GADL1: variants seen among roughly 807,000 people sequenced by gnomAD.
GADL1 encodes GAD like acidic amino acid decarboxylase 1.
A neutral mutation model predicts 69.5 loss-of-function variants in GADL1; 71 were observed. The ratio of observed to expected loss-of-function variants is 1.02; its 90% CI spans 0.84 to 1.25. The LOEUF (loss-of-function observed/expected upper bound fraction) is 1.25, where lower values mean the gene tolerates loss of function less well. Among genes scored for constraint, GADL1 ranks in the 50% most tolerant of loss-of-function variants. The probability of loss-of-function intolerance (pLI) is 0.00; values close to 1 mark genes in which losing one functional copy is unlikely to be tolerated. For synonymous variants in GADL1, 254 were observed against 214.4 expected (o/e 1.18, Z -1.62); for missense variants, 737 against 631.8 (o/e 1.17, Z -1.79).
intron 11 of GADL1, among the ~76,000 whole-genome samples, chr3:30,823,839 G>A (rs1697634428): frequency 6.6e-6 from 1 of 151,858 alleles, no homozygotes; most frequent in Admixed American, 6.6e-5. Context: ...TATAAAGCTA[G>A]AAAGACAAAA....
intron 14 of GADL1, among the ~76,000 whole-genome samples, chr3:30,752,115 C>T (rs1559487147): frequency 6.6e-6 from 1 of 151,192 alleles, no homozygotes; most frequent in African/African-American, 2.5e-5. Context: ...TCCACACACA[C>T]AGTGGTACCT....
intron 14 of GADL1, among the ~76,000 whole-genome samples, chr3:30,769,880 CTCTCA>C (rs1420808941): frequency 1.7e-5 from 1 of 59,498 alleles, no homozygotes; most frequent in African/African-American, 1.3e-4. Flanking sequence ...AAGGGACAAA[CTCTCA>C]TCTCAAGGAG....
chr3:30,842,479 G>T (rs565922714), intron 8 of GADL1, among the ~76,000 whole-genome samples: 1 of 151,914 alleles, frequency 6.6e-6, no homozygotes, highest in African/African-American at 2.4e-5. Flanking sequence ...GTGTGTTTTG[G>T]TTTTTTAGGA....
In GADL1 at chr3:30,857,153, A is replaced by T; in HGVS notation, c.211-12T>A. On this transcript the variant is annotated splice_polypyrimidine_tract_variant and intron_variant, in intron 2 of 14. Coordinates refer to ENST00000282538, the MANE Select transcript of GADL1 (RefSeq NM_207359.3). ...CTCCATTCACACACCTGGAGATTCA[A>T]CCACAACACAAATTGAGTATCCACC... 1 of 1,549,350 alleles carries T rather than the reference A, an allele frequency of 6.5e-7. No homozygotes were observed.
At chr3:30,738,727 C>T (rs770721758) in intron 14 of GADL1, among the ~76,000 whole-genome samples, 2 of 152,134 alleles carry the variant, frequency 1.3e-5, no homozygotes, top group Non-Finnish European at 2.9e-5. Context: ...GCATACGATG[C>T]TTTAGTTTCG....
At chr3:30,831,045 A>T (rs1015393963) in intron 11 of GADL1, among the ~76,000 whole-genome samples, 1 of 151,986 alleles carries the variant, frequency 6.6e-6, no homozygotes, top group African/African-American at 2.4e-5. Flanking sequence ...CTCTCTTGCC[A>T]TCAACTCTGG....
chr3:30,736,042 A>G (rs1023950410), intron 14 of GADL1, among the ~76,000 whole-genome samples: 3 of 152,158 alleles, frequency 2.0e-5, no homozygotes, highest in Non-Finnish European at 4.4e-5. Flanking sequence ...TTTTAAAACT[A>G]GCAAGTATTT....
intron 1 of GADL1, among the ~76,000 whole-genome samples, chr3:30,880,402 A>G (rs1362794950): frequency 6.6e-6 from 1 of 151,832 alleles, no homozygotes; most frequent in Non-Finnish European, 1.5e-5. Context: ...TAATTGAATC[A>G]TGGGAGTGGG....
intron 11 of GADL1, among the ~76,000 whole-genome samples, chr3:30,829,557 C>A (rs1575224525): frequency 6.6e-6 from 1 of 151,794 alleles, no homozygotes; most frequent in African/African-American, 2.4e-5. Context: ...GGCAATAGAG[C>A]TTATCAACTA....
At chr3:30,776,310 T>C (rs2125495053) in intron 14 of GADL1, among the ~76,000 whole-genome samples, 1 of 152,200 alleles carries the variant, frequency 6.6e-6, no homozygotes, top group East Asian at 1.9e-4. Context: ...GTAATTTCTT[T>C]CTCTACCCTA....
intron 9 of GADL1, 121 bp from the exon 10 acceptor site, chr3:30,834,402 G>T: frequency 1.3e-6 from 1 of 794,110 alleles, no homozygotes; most frequent in Non-Finnish European, 2.1e-6. Flanking sequence ...TTTATGTCAT[G>T]TTAACTAATT....
intron 1 of GADL1, among the ~76,000 whole-genome samples, chr3:30,871,035 G>T (rs1379946483): frequency 7.1e-6 from 1 of 140,038 alleles, no homozygotes; most frequent in African/African-American, 2.7e-5. Context: ...ATGGACTAAG[G>T]CAGAAAAGTG....
intron 14 of GADL1, among the ~76,000 whole-genome samples, chr3:30,776,929 T>A (rs527668126): frequency 3.1e-4 from 47 of 152,306 alleles, no homozygotes; most frequent in African/African-American, 1.1e-3. Flanking sequence ...TCTTTAAAAT[T>A]GTCCCCTGAC....
intron 14 of GADL1, among the ~76,000 whole-genome samples, chr3:30,752,762 T>C (rs1474793688): frequency 6.6e-6 from 1 of 152,152 alleles, no homozygotes; most frequent in African/African-American, 2.4e-5. Flanking sequence ...AGTCCAAAGA[T>C]TTGTTAGCAT....
intron 6 of GADL1, among the ~76,000 whole-genome samples, chr3:30,847,417 C>T (rs1408355864): frequency 6.6e-6 from 1 of 152,086 alleles, no homozygotes; most frequent in Non-Finnish European, 1.5e-5. Context: ...GGCCATGGAC[C>T]AAACCCTTAA....
chr3:30,788,431 C>T (rs534492523), intron 12 of GADL1, among the ~76,000 whole-genome samples: 2 of 152,270 alleles, frequency 1.3e-5, no homozygotes, highest in South Asian at 2.1e-4. Context: ...CTAAAAAGCG[C>T]TAAGGATTAT....
chr3:30,850,765 G>T (rs1196596300), intron 5 of GADL1, 70 bp downstream of exon 5: 4 of 858,368 alleles, frequency 4.7e-6, no homozygotes, highest in African/African-American at 3.4e-5. Context: ...TCTGCAAGGA[G>T]TTGTTCCTCA....
intron 14 of GADL1, among the ~76,000 whole-genome samples, chr3:30,776,078 C>T (rs754276660): frequency 1.4e-4 from 20 of 143,052 alleles, no homozygotes; most frequent in South Asian, 4.2e-4. Context: ...AGCAAGACTC[C>T]GTCTTGGAAA....
intron 12 of GADL1, among the ~76,000 whole-genome samples, chr3:30,789,971 A>T (rs1696879755): frequency 6.6e-6 from 1 of 152,214 alleles, no homozygotes; most frequent in Non-Finnish European, 1.5e-5. Context: ...TGTATTCACT[A>T]AAGTAGAACC....
Sources: allele counts gnomAD v4.1 joint callset (sites outside exome capture counted in the v4.1 genomes callset), GRCh38; gene constraint gnomAD v4.1.1; transcripts MANE v1.5; gene names NCBI Gene and HGNC (gene_info 2026-07-23, HGNC 2026-07-21).